Variants in DOCK2 observed in about 807,000 individuals in gnomAD.
The protein encoded by DOCK2 is dedicator of cytokinesis protein 2.
A neutral mutation model predicts 248.9 loss-of-function variants in DOCK2; 87 were observed. That is an observed-to-expected ratio of 0.35 (90% CI 0.29 to 0.42). DOCK2 has a LOEUF of 0.42. Ranked by LOEUF, DOCK2 falls within the 10% of genes least tolerant of loss-of-function variation. DOCK2 has a pLI of 1.00. For synonymous variants in DOCK2, 805 were observed against 821.6 expected, an observed-to-expected ratio of 0.98 and a Z score of 0.35; for missense variants, 1,747 against 2,300.2, an observed-to-expected ratio of 0.76 and a Z score of 4.92.
At chr5:169,964,524 T>C (rs565788962) in intron 27 of DOCK2, among the ~76,000 whole-genome samples, 1 of 152,352 alleles carries the variant, frequency 6.6e-6, no homozygotes, top group South Asian at 2.1e-4. Flanking sequence ...GCTCTTCTGC[T>C]GGAATAGAAA....
intron 22 of DOCK2, among the ~76,000 whole-genome samples, chr5:169,728,773 G>A (rs1762617194): frequency 6.6e-6 from 1 of 152,060 alleles, no homozygotes; most frequent in Non-Finnish European, 1.5e-5. Context: ...TGTAATCCTA[G>A]ACTGACTTCC....
chr5:170,021,702 T>C (rs1028862100), intron 33 of DOCK2, among the ~76,000 whole-genome samples: 8 of 152,132 alleles, frequency 5.3e-5, no homozygotes, highest in African/African-American at 1.9e-4. Context: ...ACAATCAGGC[T>C]GACTAATGAG....
At chr5:169,885,331 A>G (rs1229593010) in intron 27 of DOCK2, among the ~76,000 whole-genome samples, 2 of 152,164 alleles carry the variant, frequency 1.3e-5, no homozygotes, top group Admixed American at 6.5e-5. Flanking sequence ...CTGGCTCACT[A>G]TAGGTGCTTA....
At chr5:169,945,564 CG>C (rs1561843156) in intron 27 of DOCK2, among the ~76,000 whole-genome samples, 1 of 152,174 alleles carries the variant, frequency 6.6e-6, no homozygotes, top group African/African-American at 2.4e-5. Context: ...GTGCTCATTT[CG>C]AAGGTGAGAA....
chr5:169,984,940 G>A (rs2113787277), intron 28 of DOCK2, among the ~76,000 whole-genome samples: 1 of 152,124 alleles, frequency 6.6e-6, no homozygotes, highest in Non-Finnish European at 1.5e-5. Context: ...TATTTTTTGA[G>A]ACAGAATCTC....
At chr5:169,872,426 A>G (rs1772038518) in intron 27 of DOCK2, among the ~76,000 whole-genome samples, 1 of 152,196 alleles carries the variant, frequency 6.6e-6, no homozygotes. Flanking sequence ...TCTCCTAATG[A>G]CAAGTTTGCT....
At chr5:169,865,956 A>C (rs1025782824) in intron 27 of DOCK2, among the ~76,000 whole-genome samples, 5 of 152,250 alleles carry the variant, frequency 3.3e-5, no homozygotes, top group African/African-American at 1.2e-4. Context: ...GTTGCCATGC[A>C]TGACGAATGG....
Position 170,050,670 on chromosome 5 carries a change from T to C in DOCK2, c.4213+273T>C, listed in dbSNP as rs375030799. The stretch of plus-strand genomic sequence containing the variant: ...AAGTGCATGAATGTGAGCTAGAATG[T>C]CAACTGTATAAGGAAAGACGCTTGC... On this transcript the variant is annotated intron_variant, in intron 41 of 51. Coordinates refer to ENST00000520908, the MANE Select transcript of DOCK2 (RefSeq NM_004946.3). Among the ~76,000 whole-genome samples the C allele has an allele frequency of 2.0e-5, 3 of 152,198 alleles. No homozygotes were observed. In the East Asian group the frequency reaches 5.8e-4, roughly 29 times the overall value.
chr5:169,776,425 A>G (rs1765387602), intron 25 of DOCK2, among the ~76,000 whole-genome samples: 1 of 152,058 alleles, frequency 6.6e-6, no homozygotes, highest in Admixed American at 6.6e-5. Flanking sequence ...TCAGCCTCCC[A>G]AAGTGCTGGG....
chr5:170,067,770 T>A lies in DOCK2; in HGVS notation c.4644+84T>A. On this transcript the variant is annotated intron_variant, in intron 45 of 51. Coordinates refer to ENST00000520908, the MANE Select transcript of DOCK2 (RefSeq NM_004946.3). ...GACCCAGGGGGCAGATGCAGGTACA[T>A]GTCACTTATCCTACTTTGACTGTCC... 3 of 1,470,744 alleles carry A rather than the reference T, an allele frequency of 2.0e-6. No individual in the cohort carries two copies. The South Asian group carries it at 3.8e-5, about 18-fold the overall frequency. 91.1% of individuals were successfully genotyped at this position (1,470,744 alleles called of 1,614,324 possible).
intron 30 of DOCK2, among the ~76,000 whole-genome samples, chr5:170,000,738 C>T (rs893131674): frequency 6.6e-6 from 1 of 152,170 alleles, no homozygotes; most frequent in African/African-American, 2.4e-5. Flanking sequence ...CTTGGGGATG[C>T]TCTAATTGGC....
At chr5:169,743,992 A>G (rs989962067) in intron 22 of DOCK2, among the ~76,000 whole-genome samples, 32 of 151,298 alleles carry the variant, frequency 2.1e-4, no homozygotes, top group African/African-American at 7.0e-4. Context: ...TATCCTTTAT[A>G]AGACTTAGGC....
chr5:169,909,429 A>G (rs1315543685), intron 27 of DOCK2, among the ~76,000 whole-genome samples: 2 of 152,230 alleles, frequency 1.3e-5, no homozygotes. Context: ...ATGAATTTAA[A>G]AAAATCTAAG....
chr5:169,999,136 C>T (rs1238266760), intron 30 of DOCK2, among the ~76,000 whole-genome samples: 3 of 152,174 alleles, frequency 2.0e-5, no homozygotes, highest in African/African-American at 7.2e-5. Flanking sequence ...AACTTCAGTC[C>T]TTCAGGGCAT....
At chr5:170,081,677 C>A in intron 50 of DOCK2, 165 bp from the exon 51 acceptor site, 2 of 766,048 alleles carry the variant, frequency 2.6e-6, no homozygotes, top group Non-Finnish European at 4.1e-6. Context: ...GCTTCAATGT[C>A]CCCTGGCACG....
intron 15 of DOCK2, among the ~76,000 whole-genome samples, chr5:169,711,318 T>A (rs1448117149): frequency 6.6e-6 from 1 of 152,156 alleles, no homozygotes; most frequent in Non-Finnish European, 1.5e-5. Context: ...GCTGAAAGCA[T>A]CACAATCAGT....
intron 25 of DOCK2, among the ~76,000 whole-genome samples, chr5:169,762,062 C>A (rs1219142493): frequency 6.6e-6 from 1 of 152,066 alleles, no homozygotes; most frequent in Non-Finnish European, 1.5e-5. Context: ...TAGGAATTAA[C>A]ATTTTTTAAA....
In DOCK2 at chr5:169,983,082, A is replaced by G. The variant is rs1209359711; in HGVS notation, c.2814A>G (p.Ala938=). 5 of 1,613,958 alleles carry G rather than the reference A, an allele frequency of 3.1e-6. No individual in the cohort carries two copies. The highest frequency in any genetic ancestry group is 3.4e-6 in the Non-Finnish European group (4 of 1,179,924). The change falls in exon 28 of 52, where the codon GCA becomes GCG. Residue 938 remains alanine, a synonymous_variant. Transcript: ENST00000520908. ...ATTTCTTGCAGAGTCACTTTGTGGCATGTATGACAGCCATCTTAAACCAGA... is the reference window on the plus strand; with the variant it reads ...ATTTCTTGCAGAGTCACTTTGTGGCGTGTATGACAGCCATCTTAAACCAGA... ...RDHILISHFV[A]CMTAILNQMG... is the part of the protein sequence containing the mutation.
At chr5:169,665,654 T>A (rs999204853) in intron 2 of DOCK2, among the ~76,000 whole-genome samples, 1 of 152,178 alleles carries the variant, frequency 6.6e-6, no homozygotes, top group Non-Finnish European at 1.5e-5. Context: ...CTTTGCCAGA[T>A]GCATACACTT....
Sources: gnomAD v4.1 joint callset for allele counts (sites outside exome capture counted in the v4.1 genomes callset) on GRCh38, gnomAD v4.1.1 for gene constraint, MANE v1.5 for transcripts, NCBI Gene and HGNC (gene_info 2026-07-23, HGNC 2026-07-21) for gene names.